The following OARD1 variants were observed in gnomAD, a reference collection of about 807,000 sequenced individuals.
OARD1 encodes the protein O-acyl-ADP-ribose deacylase 1.
A neutral mutation model predicts 19.7 loss-of-function variants in OARD1; 19 were observed. The observed-to-expected ratio is 0.96, with a 90% confidence interval of 0.67 to 1.41. OARD1 has a LOEUF of 1.41. Ranked by LOEUF, OARD1 falls within the 40% of genes most tolerant of loss-of-function variation. OARD1 has a pLI of 0.00. For missense variants in OARD1, 190 were observed against 183.8 expected, an observed-to-expected ratio of 1.03 and a Z score of -0.20; for synonymous variants, 70 against 61.8, an observed-to-expected ratio of 1.13 and a Z score of -0.62.
intron 5 of OARD1, among the ~76,000 whole-genome samples, chr6:41,068,398 A>G (rs937009074): frequency 6.6e-6 from 1 of 152,276 alleles, no homozygotes; most frequent in Non-Finnish European, 1.5e-5. Context: ...AGTGTGCAGT[A>G]TAAAAGGGAA....
intron 1 of OARD1, among the ~76,000 whole-genome samples, chr6:41,086,262 TTTAA>T (rs1764041261): frequency 6.6e-6 from 1 of 152,182 alleles, no homozygotes; most frequent in Admixed American, 6.5e-5. Context: ...GGCCAAGTTA[TTTAA>T]TTGTCGGTTT....
intron 1 of OARD1, chr6:41,097,399 C>T (rs370053346): frequency 1.4e-5 from 23 of 1,613,944 alleles, no homozygotes; most frequent in East Asian, 2.2e-5. Context: ...ACAGATCATC[C>T]GAGTGTCCTA....
intron 1 of OARD1, among the ~76,000 whole-genome samples, chr6:41,092,476 C>T (rs1254598546): frequency 6.6e-6 from 1 of 152,114 alleles, no homozygotes; most frequent in Non-Finnish European, 1.5e-5. Context: ...TTTTTACCTA[C>T]ATTTAGTACA....
In OARD1 at chr6:41,067,326, T is replaced by C; in HGVS notation, c.*9A>G. The C allele has an allele frequency of 6.4e-7, 1 of 1,569,792 alleles. No individual in the cohort carries two copies. Among genetic ancestry groups the C allele is most frequent in the South Asian group, 1.1e-5 (1 of 89,974 alleles). On this transcript the variant is annotated 3_prime_UTR_variant, in exon 6 of 6. Coordinates refer to ENST00000424266, the MANE Select transcript of OARD1 (RefSeq NM_001329686.2). The stretch of plus-strand genomic sequence containing the variant: ...GGAGAACACGGAAACATCCAAAATG[T>C]TCACTGGTTCAGAGTGTGTACACAG...
intron 1 of OARD1, among the ~76,000 whole-genome samples, chr6:41,088,476 C>T (rs1248566989): frequency 6.6e-6 from 1 of 151,572 alleles, no homozygotes; most frequent in African/African-American, 2.4e-5. Flanking sequence ...AGTTAGGAAT[C>T]CTGACACAGC....
intron 1 of OARD1, chr6:41,092,843 G>A (rs1413485614): frequency 6.7e-7 from 1 of 1,495,922 alleles, no homozygotes; most frequent in African/African-American, 1.4e-5. Flanking sequence ...TGGATGAAGA[G>A]GAACCAAGAA....
At chr6:41,069,368 CTTT>C (rs1763203347) in intron 4 of OARD1, 1 of 154,934 alleles carries the variant, frequency 6.5e-6, no homozygotes, top group Admixed American at 6.5e-5. Flanking sequence ...TGCTTGCTTG[CTTT>C]TTGTCTCTCT....
upstream of OARD1, among the ~76,000 whole-genome samples, chr6:41,073,433 A>G (rs1763598771): frequency 6.6e-6 from 1 of 151,876 alleles, no homozygotes; most frequent in African/African-American, 2.4e-5. Context: ...GAATGGCCCT[A>G]CACTAGGGGA....
chr6:41,075,226 A>G (rs879405881), upstream of OARD1: 12 of 152,162 alleles, frequency 7.9e-5, no homozygotes, highest in Non-Finnish European at 1.5e-4. Flanking sequence ...TTCCTCTGTC[A>G]TCCAGGCTGG....
intron 1 of OARD1, chr6:41,097,495 G>T (rs1228369003): frequency 1.4e-6 from 2 of 1,403,940 alleles, no homozygotes; most frequent in Non-Finnish European, 1.0e-6. Context: ...GGACATTGAT[G>T]ATCACATTCT....
intron 1 of OARD1, 37 bp from the exon 2 acceptor site, chr6:41,071,712 A>AGCC: frequency 8.4e-7 from 1 of 1,194,812 alleles, no homozygotes; most frequent in Admixed American, 1.7e-5. Context: ...ATGCTTAGGC[A>AGCC]GCCTTAGTAT....
chr6:41,065,546 CAACTTT>C lies in OARD1; in HGVS notation c.*1783_*1788del, dbSNP rs796527168. The C allele has an allele frequency of 2.0e-5, 3 of 152,260 alleles. No individual in the cohort carries two copies. The highest frequency in any genetic ancestry group is 7.2e-5 in the African/African-American group (3 of 41,564). 9.4% of individuals were successfully genotyped at this position (152,260 alleles called of 1,614,324 possible). On this transcript the variant is annotated 3_prime_UTR_variant, in exon 6 of 6. Coordinates refer to ENST00000424266, the MANE Select transcript of OARD1 (RefSeq NM_001329686.2). ...ATAATCTCTCCTTCCTTTTTCCCTT[CAACTTT>C]ATGTGGACAAAAGCAATGCTTCAAG... is the stretch of plus-strand genomic sequence containing the variant.
upstream of OARD1, among the ~76,000 whole-genome samples, chr6:41,073,566 C>T (rs1278439730): frequency 6.6e-6 from 1 of 151,910 alleles, no homozygotes; most frequent in Non-Finnish European, 1.5e-5. Context: ...GCCCGCGCCC[C>T]CCGCTCCCCG....
At chr6:41,070,189 C>T in intron 3 of OARD1, 55 bp from the exon 4 acceptor site, 1 of 943,526 alleles carries the variant, frequency 1.1e-6, no homozygotes. Context: ...ACACTGATCT[C>T]TAAAGATTTT....
intron 1 of OARD1, among the ~76,000 whole-genome samples, chr6:41,087,928 T>C (rs1764090407): frequency 6.6e-6 from 1 of 152,208 alleles, no homozygotes; most frequent in African/African-American, 2.4e-5. Flanking sequence ...TTGCTTTCCA[T>C]AATTGCTTTA....
At chr6:41,094,178 ACTAT>A (rs1561856631) in intron 1 of OARD1, among the ~76,000 whole-genome samples, 3 of 152,192 alleles carry the variant, frequency 2.0e-5, no homozygotes, top group Admixed American at 1.3e-4. Flanking sequence ...AAAAATTCAT[ACTAT>A]AAGCATTCAC....
chr6:41,088,983 A>G (rs1764122154), intron 1 of OARD1, among the ~76,000 whole-genome samples: 2 of 151,448 alleles, frequency 1.3e-5, no homozygotes, highest in South Asian at 4.2e-4. Flanking sequence ...TTTAGAGTGT[A>G]TTTTATTTTT....
rs1458437336 is a variant in OARD1, at chr6:41,070,866, C to T, written c.184+266G>A. 1.5e-5 allele frequency: 9 copies of T among 597,656 alleles called. No individual in the cohort carries two copies. The East Asian group carries it at 2.2e-4, about 15-fold the overall frequency. The allele number at this position is 597,656 out of a possible 1,614,324, so 37.0% of individuals were successfully genotyped here. A position where few individuals can be genotyped will look rare whatever the true frequency, so the allele number is the denominator to read the frequency against. ...CTTGAATGCCAACCTATAGACTAAG[C>T]ATCTCAGAGTTATTTCAAGTTTCAG... is the stretch of plus-strand genomic sequence containing the variant. On this transcript the variant is annotated intron_variant, in intron 3 of 5. Coordinates refer to ENST00000424266, the MANE Select transcript of OARD1 (RefSeq NM_001329686.2).
At chr6:41,079,183 T>A (rs768682772) in intron 1 of OARD1, 30 of 1,612,630 alleles carry the variant, frequency 1.9e-5, no homozygotes, top group Non-Finnish European at 2.4e-5. Flanking sequence ...GCAAAACTGC[T>A]TTAAACATTA....
Sources: allele counts gnomAD v4.1 joint callset (sites outside exome capture counted in the v4.1 genomes callset), GRCh38; gene constraint gnomAD v4.1.1; transcripts MANE v1.5; gene names NCBI Gene and HGNC (gene_info 2026-07-23, HGNC 2026-07-21).